The following FKBP5 variants were observed in gnomAD, a reference collection of about 807,000 sequenced individuals.
FKBP5 encodes FKBP prolyl isomerase 5.
A neutral mutation model predicts 50.5 loss-of-function variants in FKBP5; 23 were observed. The observed-to-expected ratio is 0.46, with a 90% CI of 0.33 to 0.65. FKBP5 has a LOEUF of 0.65. Ranked by LOEUF, FKBP5 falls within the 30% of genes least tolerant of loss-of-function variation. The pLI is 0.02. For missense variants in FKBP5, 411 were observed against 553.1 expected (o/e 0.74, Z 2.58); for synonymous variants, 176 against 190.6 (o/e 0.92, Z 0.63).
At position 35,623,679 on chromosome 6, in the gene FKBP5, C is replaced by T. The variant is rs186403963; in HGVS notation, c.251-3405G>A. On this transcript the variant is annotated intron_variant, in intron 3 of 10. Transcript: ENST00000357266. ...CAACCTCCCAGGCTCAAGCGGTCCT[C>T]CCACCTTAGCCTCCCAAGTAGCTGG... Among the ~76,000 whole-genome samples the T allele has an allele frequency of 1.6e-3, 238 of 151,990 alleles. 2 individuals carry two copies. Among genetic ancestry groups the T allele is most frequent in the Admixed American group, 2.4e-3 (36 of 15,252 alleles).
At chr6:35,638,716 C>T (rs1271134459) in intron 2 of FKBP5, among the ~76,000 whole-genome samples, 1 of 152,138 alleles carries the variant, frequency 6.6e-6, no homozygotes, top group Admixed American at 6.6e-5. Context: ...TCGCACCCAG[C>T]CCCAAATATT....
At chr6:35,723,566 G>A (rs546222271) in intron 1 of FKBP5, among the ~76,000 whole-genome samples, 2 of 152,356 alleles carry the variant, frequency 1.3e-5, no homozygotes, top group South Asian at 2.1e-4. Context: ...AGTAAACACC[G>A]ATAGATGGAG....
At chr6:35,707,630 A>C (rs1349396237) in intron 2 of FKBP5, among the ~76,000 whole-genome samples, 1 of 152,036 alleles carries the variant, frequency 6.6e-6, no homozygotes, top group Non-Finnish European at 1.5e-5. Flanking sequence ...TTTGTTGTAC[A>C]GGTTATTTTG....
Position 35,620,237 on chromosome 6 carries a change from G to A in FKBP5, c.288C>T (p.Thr96=). The A allele has an allele frequency of 6.2e-7, 1 of 1,614,022 alleles. No individual in the cohort carries two copies. The highest frequency in any genetic ancestry group is 8.5e-7 in the Non-Finnish European group (1 of 1,179,982). ...AATGGCATATCTCTCCTTTCTTCAT[G>A]GTAGCCACCCCAATGTCCCATGCCT... ...VIKAWDIGVA[T]MKKGEICHLL... Residue 96 remains threonine, a synonymous_variant, in exon 4 of 11, where the codon ACC becomes ACT. Coordinates refer to ENST00000357266, the MANE Select transcript of FKBP5 (RefSeq NM_004117.4).
chr6:35,628,352 C>T (rs907619281), intron 3 of FKBP5, among the ~76,000 whole-genome samples: 5 of 152,060 alleles, frequency 3.3e-5, no homozygotes, highest in Non-Finnish European at 2.9e-5. Flanking sequence ...ATGAAAGCTA[C>T]ACCATATCAT....
chr6:35,697,987 TACTC>T (rs1273620860), intron 2 of FKBP5, among the ~76,000 whole-genome samples: 2 of 152,248 alleles, frequency 1.3e-5, no homozygotes, highest in Admixed American at 6.5e-5. Flanking sequence ...CTATCATATT[TACTC>T]ACTGTTATTT....
intron 2 of FKBP5, among the ~76,000 whole-genome samples, chr6:35,698,186 T>C (rs1766115963): frequency 6.6e-6 from 1 of 151,962 alleles, no homozygotes; most frequent in Admixed American, 6.6e-5. Flanking sequence ...CTATTAAAAA[T>C]ACAAAATTAG....
intron 2 of FKBP5, among the ~76,000 whole-genome samples, chr6:35,715,500 T>C (rs933246229): frequency 1.3e-5 from 2 of 152,168 alleles, no homozygotes; most frequent in South Asian, 2.1e-4. Context: ...TGTGTTCCAA[T>C]AGAGACAAAG....
chr6:35,579,918 A>G lies in FKBP5; in HGVS notation c.1026+118T>C, dbSNP rs1762368849. ...AACAAATAATCCCAAACATTCAAAT[A>G]AATAAAAAAAAGCAAAATGAAAAAT... On this transcript the variant is annotated intron_variant, in intron 9 of 10. Coordinates refer to ENST00000357266, the MANE Select transcript of FKBP5 (RefSeq NM_004117.4). 12 of 726,536 alleles carry G rather than the reference A, an allele frequency of 1.7e-5. No homozygotes were observed. The South Asian group carries it at 2.4e-4, about 15-fold the overall frequency. The allele number at this position is 726,536 out of a possible 1,614,324, so 45.0% of individuals were successfully genotyped here. A position where few individuals can be genotyped will look rare whatever the true frequency, so the allele number is the denominator to read the frequency against.
At chr6:35,715,032 C>T (rs879534333) in intron 2 of FKBP5, among the ~76,000 whole-genome samples, 17 of 151,984 alleles carry the variant, frequency 1.1e-4, no homozygotes, top group Admixed American at 3.3e-4. Flanking sequence ...TTTAGCCTCC[C>T]AAGTCTATAG....
chr6:35,581,686 G>A (rs977385387), intron 8 of FKBP5: 21 of 985,296 alleles, frequency 2.1e-5, no homozygotes, highest in Non-Finnish European at 2.4e-5. Context: ...CTGGGGAATC[G>A]CTGGTAAATA....
At chr6:35,676,715 C>T (rs934302577) in intron 1 of FKBP5, among the ~76,000 whole-genome samples, 1 of 152,136 alleles carries the variant, frequency 6.6e-6, no homozygotes, top group African/African-American at 2.4e-5. Context: ...TATTTCATTC[C>T]CTTATCCCCA....
chr6:35,649,048 G>A (rs1430068137), intron 1 of FKBP5, among the ~76,000 whole-genome samples: 2 of 152,122 alleles, frequency 1.3e-5, no homozygotes, highest in Middle Eastern at 3.4e-3. Context: ...TCAGGAGATC[G>A]AGACCATCCT....
At chr6:35,673,948 A>G (rs1428118153) in intron 1 of FKBP5, among the ~76,000 whole-genome samples, 1 of 152,184 alleles carries the variant, frequency 6.6e-6, no homozygotes, top group African/African-American at 2.4e-5. Context: ...GATCTTGAGC[A>G]TATGCCTCTA....
chr6:35,635,028 A>C (rs78997578), intron 3 of FKBP5, among the ~76,000 whole-genome samples: 1 of 13,396 alleles, frequency 7.5e-5, no homozygotes, highest in Non-Finnish European at 2.6e-4. Context: ...TGTCTCTACA[A>C]AAAAAAAAAA....
chr6:35,684,263 C>T (rs1765761343), intron 1 of FKBP5, among the ~76,000 whole-genome samples: 1 of 151,524 alleles, frequency 6.6e-6, no homozygotes, highest in Admixed American at 6.6e-5. Context: ...ACTGCAGCCT[C>T]AACCTCCCAG....
rs1181598975 is a variant in FKBP5 at position 35,597,353 on chromosome 6, G to A, written c.560C>T (p.Ala187Val). 6.2e-7 allele frequency: 1 copy of A among 1,614,164 alleles called. No individual in the cohort carries two copies. Among genetic ancestry groups the A allele is most frequent in the Non-Finnish European group, 8.5e-7 (1 of 1,180,024 alleles). The change falls in exon 6 of 11, where the codon GCA becomes GTA. Residue 187 changes from alanine (A) to valine (V), a missense_variant. By Grantham distance (64) the Ala-to-Val change is moderately conservative. Coordinates refer to ENST00000357266, the MANE Select transcript of FKBP5 (RefSeq NM_004117.4). ...GTCTTCTCCTTCGCCCACAGTGAATGCCACATCTCTGCAGTCAAACATCCT... is the reference window on the plus strand; with the variant it reads ...GTCTTCTCCTTCGCCCACAGTGAATACCACATCTCTGCAGTCAAACATCCT... The part of the protein sequence containing the change: ...GGRMFDCRDV[A>V]FTVGEGEDHD...
chr6:35,609,800 C>T (rs1300347131), intron 5 of FKBP5, among the ~76,000 whole-genome samples: 1 of 152,196 alleles, frequency 6.6e-6, no homozygotes, highest in Non-Finnish European at 1.5e-5. Context: ...TAATCATGCT[C>T]TAACTTCCAG....
intron 2 of FKBP5, among the ~76,000 whole-genome samples, chr6:35,708,837 G>A (rs1317653543): frequency 6.6e-6 from 1 of 152,078 alleles, no homozygotes; most frequent in African/African-American, 2.4e-5. Flanking sequence ...GAAACATGAG[G>A]TAGAAGCCCC....
Sources: gnomAD v4.1 joint callset for allele counts (sites outside exome capture counted in the v4.1 genomes callset) on GRCh38, gnomAD v4.1.1 for gene constraint, MANE v1.5 for transcripts, NCBI Gene and HGNC (gene_info 2026-07-23, HGNC 2026-07-21) for gene names.